Variants in ST6GAL1 observed in about 807,000 individuals in gnomAD.
ST6GAL1 encodes the protein ST6 beta-galactoside alpha-2,6-sialyltransferase 1, also known as beta-galactoside alpha-2,6-sialyltransferase 1.
In ST6GAL1, 20 loss-of-function variants were observed where a neutral mutation model predicts 38.0. The ratio of observed to expected loss-of-function variants is 0.53; its 90% CI spans 0.37 to 0.77. ST6GAL1 has a LOEUF of 0.77. ST6GAL1 is among the 30% of genes least tolerant of loss of function. The pLI is 0.00. For synonymous variants in ST6GAL1, 196 were observed against 188.2 expected, an observed-to-expected ratio of 1.04 and a Z score of -0.34; for missense variants, 432 against 496.4, an observed-to-expected ratio of 0.87 and a Z score of 1.23.
chr3:187,031,195 G>A (rs574524518), intron 2 of ST6GAL1, among the ~76,000 whole-genome samples: 3 of 152,340 alleles, frequency 2.0e-5, no homozygotes, highest in African/African-American at 7.2e-5. Context: ...ACTTGAGCTG[G>A]TGTTGGAAGC....
intron 1 of ST6GAL1, among the ~76,000 whole-genome samples, chr3:186,935,335 A>T (rs1485315216): frequency 2.0e-5 from 3 of 151,906 alleles, no homozygotes; most frequent in Non-Finnish European, 4.4e-5. Context: ...AGAGGATATG[A>T]TCTCATTCTT....
chr3:187,029,088 TAA>T lies in ST6GAL1; in HGVS notation c.-182-9644_-182-9643del, dbSNP rs56166685. Among the ~76,000 whole-genome samples the T allele has an allele frequency of 4.0e-4, 42 of 105,974 alleles. 3 individuals are homozygous for T. Among genetic ancestry groups the T allele is most frequent in the Middle Eastern group, 5.4e-3 (1 of 184 alleles). The allele number at this position is 105,974 out of a possible 152,430, so 69.5% of individuals were successfully genotyped here. A position where few individuals can be genotyped will look rare whatever the true frequency, so the allele number is the denominator to read the frequency against. ...GGGTGACAAAGCAAGACCTTGTCTCTAAAAAAAAAAAGAATTTTTCATAGGTG... is the reference window on the plus strand; with the variant it reads ...GGGTGACAAAGCAAGACCTTGTCTCTAAAAAAAAAGAATTTTTCATAGGTG... On this transcript the variant is annotated intron_variant, in intron 2 of 7. Transcript: ENST00000169298.
chr3:186,935,119 T>C (rs1375167969), intron 1 of ST6GAL1, among the ~76,000 whole-genome samples: 2 of 152,132 alleles, frequency 1.3e-5, no homozygotes, highest in Admixed American at 1.3e-4. Flanking sequence ...CTAAACCTAG[T>C]ACCCAGTAAT....
rs2239612 is a variant in ST6GAL1 at position 187,075,454 on chromosome 3, G to A, written c.980-108G>A. On this transcript the variant is annotated intron_variant, in intron 7 of 7. Coordinates refer to ENST00000169298, the MANE Select transcript of ST6GAL1 (RefSeq NM_173216.2). This position sits in a 1 kb window ranked among gnomAD's most constrained non-coding sequence, Gnocchi z 4.1. Reference sequence around the variant, plus strand: ...CACAGTCATAAATAGAAACTCCAGAGGGAAAGCTCTCCAAATTTGGGGTCA... The same window carrying A: ...CACAGTCATAAATAGAAACTCCAGAAGGAAAGCTCTCCAAATTTGGGGTCA... 194,933 of 1,500,714 alleles carry A rather than the reference G, an allele frequency of 0.13. 14,309 individuals carry two copies. Among genetic ancestry groups the A allele is most frequent in the African/African-American group, 0.28 (20,324 of 72,058 alleles). The allele number at this position is 1,500,714 out of a possible 1,614,324, so 93.0% of individuals were successfully genotyped here.
At chr3:187,039,776 T>C (rs1042260439) in intron 3 of ST6GAL1, among the ~76,000 whole-genome samples, 8 of 152,242 alleles carry the variant, frequency 5.3e-5, no homozygotes, top group South Asian at 2.1e-4. Context: ...CTTGCAGTTA[T>C]AAGTGCCTGT....
At chr3:187,038,372 AT>A (rs534194969) in intron 2 of ST6GAL1, 10 of 147,412 alleles carry the variant, frequency 6.8e-5, no homozygotes, top group East Asian at 2.0e-4. Context: ...TGCCTGGCTA[AT>A]TTTTTTTTTG....
At chr3:186,986,519 T>A (rs1206361356) in intron 2 of ST6GAL1, 2 of 152,660 alleles carry the variant, frequency 1.3e-5, no homozygotes, top group Non-Finnish European at 2.9e-5. Context: ...AGGGGGTTGC[T>A]TTTTGATCCA....
chr3:186,979,849 T>C (rs1377572339), intron 2 of ST6GAL1, among the ~76,000 whole-genome samples: 1 of 152,174 alleles, frequency 6.6e-6, no homozygotes, highest in Non-Finnish European at 1.5e-5. Context: ...TTGCTAATTG[T>C]GTAGCACTGA....
At chr3:187,023,627 T>C (rs1440211352) in intron 2 of ST6GAL1, among the ~76,000 whole-genome samples, 1 of 152,004 alleles carries the variant, frequency 6.6e-6, no homozygotes, top group Non-Finnish European at 1.5e-5. Context: ...CAGCAAACTA[T>C]GGCAAGGACA....
chr3:187,004,827 G>T (rs1045493641), intron 2 of ST6GAL1, among the ~76,000 whole-genome samples: 21 of 152,196 alleles, frequency 1.4e-4, no homozygotes, highest in Non-Finnish European at 2.5e-4. Flanking sequence ...ACTTCAAGAT[G>T]ATTCAAAGCT....
intron 1 of ST6GAL1, among the ~76,000 whole-genome samples, chr3:186,945,503 A>G (rs1011647910): frequency 6.6e-6 from 1 of 152,124 alleles, no homozygotes. Flanking sequence ...CGACAAACAT[A>G]CTTAGAAGGC....
At chr3:187,012,380 C>A (rs1182071858) in intron 2 of ST6GAL1, among the ~76,000 whole-genome samples, 1 of 152,216 alleles carries the variant, frequency 6.6e-6, no homozygotes, top group South Asian at 2.1e-4. Flanking sequence ...GCCTCAGCCT[C>A]CTGAGTAGCT....
At chr3:186,959,656 G>A (rs879373617) in intron 1 of ST6GAL1, among the ~76,000 whole-genome samples, 2 of 152,128 alleles carry the variant, frequency 1.3e-5, no homozygotes, top group Non-Finnish European at 1.5e-5. Flanking sequence ...AGGAAGAGGG[G>A]GACAGAAATA....
chr3:186,946,035 G>A (rs1006911639), intron 1 of ST6GAL1, among the ~76,000 whole-genome samples: 3 of 150,244 alleles, frequency 2.0e-5, no homozygotes, highest in Admixed American at 6.6e-5. Flanking sequence ...GGCCGGGCGC[G>A]GTGGCTCATG....
intron 2 of ST6GAL1, among the ~76,000 whole-genome samples, chr3:187,027,625 A>G (rs1463333289): frequency 1.3e-5 from 2 of 152,064 alleles, no homozygotes; most frequent in Admixed American, 6.6e-5. Flanking sequence ...TCTTTTCTCA[A>G]AAAAAATTTT....
intron 5 of ST6GAL1, among the ~76,000 whole-genome samples, chr3:187,063,810 A>G (rs1719002957): frequency 6.6e-6 from 1 of 152,144 alleles, no homozygotes; most frequent in South Asian, 2.1e-4. Context: ...CTCCCCCAAC[A>G]CTTCCTGTGT....
chr3:187,039,380 G>A (rs1718050328), intron 3 of ST6GAL1, among the ~76,000 whole-genome samples: 1 of 152,202 alleles, frequency 6.6e-6, no homozygotes, highest in East Asian at 1.9e-4. Context: ...GCACTGTGCT[G>A]GGTACTAGGG....
chr3:186,949,690 C>T (rs1714510363), intron 1 of ST6GAL1, among the ~76,000 whole-genome samples: 1 of 152,196 alleles, frequency 6.6e-6, no homozygotes. Context: ...ATGTCACCTT[C>T]CTCAGAAAGA....
chr3:186,950,336 G>T (rs1021482569), intron 1 of ST6GAL1, among the ~76,000 whole-genome samples: 8 of 152,148 alleles, frequency 5.3e-5, no homozygotes, highest in African/African-American at 1.7e-4. Context: ...TTTGGGTCAG[G>T]ATAGAGTCTG....
Sources: allele counts gnomAD v4.1 joint callset (sites outside exome capture counted in the v4.1 genomes callset), GRCh38; gene constraint gnomAD v4.1.1; non-coding constraint Gnocchi (gnomAD v3.1); transcripts MANE v1.5; gene names NCBI Gene and HGNC (gene_info 2026-07-23, HGNC 2026-07-21).